PACS1: variants seen among roughly 807,000 people sequenced by gnomAD.
The protein encoded by PACS1 is PACS-1.
In PACS1, 24 loss-of-function variants were observed where a neutral mutation model predicts 115.0. That is an observed-to-expected ratio of 0.21 (90% CI 0.15 to 0.29). PACS1 has a LOEUF of 0.29. Ranked by LOEUF, PACS1 falls within the 10% of genes least tolerant of loss-of-function variation. The probability of loss-of-function intolerance (pLI) is 1.00; values close to 1 mark genes in which losing one functional copy is unlikely to be tolerated. For synonymous variants in PACS1, 453 were observed against 504.5 expected, an observed-to-expected ratio of 0.90 and a Z score of 1.37; for missense variants, 838 against 1,251.2, an observed-to-expected ratio of 0.67 and a Z score of 4.98.
intron 1 of PACS1, among the ~76,000 whole-genome samples, chr11:66,103,865 G>A (rs1185383992): frequency 6.6e-6 from 1 of 151,984 alleles, no homozygotes; most frequent in East Asian, 1.9e-4. Context: ...ATGAATCCCT[G>A]TGTACTCACC....
intron 1 of PACS1, among the ~76,000 whole-genome samples, chr11:66,149,923 A>G (rs1859200200): frequency 6.6e-6 from 1 of 151,820 alleles, no homozygotes; most frequent in Non-Finnish European, 1.5e-5. Flanking sequence ...CTAATTTTGT[A>G]TTTTTAGTAG....
rs73491723 is a variant in PACS1 at position 66,196,195 on chromosome 11, G to A, written c.444+2622G>A. ...GAGCTGTTTGTGCCAGTGCACTCCAGCCTGGGTGACAGAGCAAGACTCCGA... is the reference window on the plus strand; with the variant it reads ...GAGCTGTTTGTGCCAGTGCACTCCAACCTGGGTGACAGAGCAAGACTCCGA... On this transcript the variant is annotated intron_variant, in intron 2 of 23. Coordinates refer to ENST00000320580, the MANE Select transcript of PACS1 (RefSeq NM_018026.4). 8.7e-3 allele frequency among the ~76,000 whole-genome samples: 1,318 copies of A among 152,310 alleles called. 18 individuals carry two copies. The highest frequency in any genetic ancestry group is 0.03 in the African/African-American group (1,240 of 41,554).
At chr11:66,202,851 G>T (rs373805883) in intron 2 of PACS1, among the ~76,000 whole-genome samples, 4 of 132,050 alleles carry the variant, frequency 3.0e-5, no homozygotes, top group African/African-American at 1.2e-4. Context: ...GGGTATAAAA[G>T]AAACATACCT....
intron 1 of PACS1, among the ~76,000 whole-genome samples, chr11:66,105,209 A>AG (rs1858007290): frequency 6.6e-6 from 1 of 152,150 alleles, no homozygotes; most frequent in Non-Finnish European, 1.5e-5. Flanking sequence ...AGATCACCTG[A>AG]GGTAGGGAGT....
intron 1 of PACS1, chr11:66,100,920 G>C (rs536614994): frequency 8.8e-6 from 4 of 456,156 alleles, no homozygotes; most frequent in Admixed American, 2.4e-5. Context: ...AAGCAAGAGC[G>C]AGCTGGCGGA....
At chr11:66,112,247 G>A (rs185919661) in intron 1 of PACS1, among the ~76,000 whole-genome samples, 35 of 152,272 alleles carry the variant, frequency 2.3e-4, no homozygotes, top group African/African-American at 7.5e-4. Flanking sequence ...CTTGGCCTCT[G>A]CCTGCTCTCC....
At chr11:66,184,561 A>G (rs1221656198) in intron 1 of PACS1, among the ~76,000 whole-genome samples, 3 of 152,214 alleles carry the variant, frequency 2.0e-5, no homozygotes, top group Non-Finnish European at 4.4e-5. Context: ...GTACCCAGTT[A>G]TCAAGTAGAC....
At chr11:66,111,886 TC>T (rs1858194904) in intron 1 of PACS1, among the ~76,000 whole-genome samples, 1 of 152,196 alleles carries the variant, frequency 6.6e-6, no homozygotes, top group Non-Finnish European at 1.5e-5. Context: ...CCTCAAGTGA[TC>T]CGCCTGCCTT....
intron 1 of PACS1, among the ~76,000 whole-genome samples, chr11:66,104,208 G>C (rs553142977): frequency 1.3e-5 from 2 of 152,202 alleles, no homozygotes; most frequent in African/African-American, 2.4e-5. Context: ...ATCAGGGACC[G>C]TGTGTAAGTG....
At chr11:66,164,830 C>T (rs1859567772) in intron 1 of PACS1, among the ~76,000 whole-genome samples, 1 of 151,842 alleles carries the variant, frequency 6.6e-6, no homozygotes, top group Non-Finnish European at 1.5e-5. Flanking sequence ...CTTCACATCT[C>T]TTCCCTATAT....
chr11:66,229,813 G>C (rs1285778191), intron 11 of PACS1, among the ~76,000 whole-genome samples: 4 of 152,188 alleles, frequency 2.6e-5, no homozygotes, highest in African/African-American at 9.7e-5. Flanking sequence ...AGGCATGATG[G>C]CACATGCTTG....
At chr11:66,239,364 G>T in intron 21 of PACS1, 87 bp downstream of exon 21, 25 of 1,484,048 alleles carry the variant, frequency 1.7e-5, no homozygotes, top group African/African-American at 1.4e-5. Context: ...GGCTTAGAAG[G>T]TAGCCACAGG....
rs372564508 is a variant in PACS1, at chr11:66,233,968, C to T, written c.1993+29C>T. The stretch of plus-strand genomic sequence containing the variant: ...AAGACGGGAGGCACCAGGAGGGCGT[C>T]GGGCATGAGGGTTCCATAGACAGAT... On this transcript the variant is annotated intron_variant, in intron 16 of 23. Coordinates refer to ENST00000320580, the MANE Select transcript of PACS1 (RefSeq NM_018026.4). The surrounding 1 kb of genome is among the most constrained non-coding windows in gnomAD (Gnocchi z 4.5). 116 of 1,566,276 alleles carry T rather than the reference C, an allele frequency of 7.4e-5. No homozygotes were observed. In the Middle Eastern group the frequency reaches 1.2e-3, roughly 16 times the overall value.
intron 10 of PACS1, among the ~76,000 whole-genome samples, chr11:66,223,025 G>T (rs979139838): frequency 1.1e-4 from 15 of 134,388 alleles, no homozygotes; most frequent in Admixed American, 2.4e-4. Flanking sequence ...GGTTCATGGG[G>T]ATCCAAGAAC....
intron 1 of PACS1, among the ~76,000 whole-genome samples, chr11:66,137,354 A>G (rs1487369272): frequency 6.6e-6 from 1 of 151,956 alleles, no homozygotes. Flanking sequence ...ATTTTTTTCC[A>G]GCTAGCTGTC....
chr11:66,073,237 T>C (rs1857341835), intron 1 of PACS1, among the ~76,000 whole-genome samples: 1 of 152,266 alleles, frequency 6.6e-6, no homozygotes. Flanking sequence ...CATTGGTCTT[T>C]CCAATTATTA....
At chr11:66,137,611 C>A (rs1167022747) in intron 1 of PACS1, among the ~76,000 whole-genome samples, 17 of 152,328 alleles carry the variant, frequency 1.1e-4, no homozygotes, top group Admixed American at 1.0e-3. Flanking sequence ...CCTCAGCAGC[C>A]TCCTCTTTTG....
intron 2 of PACS1, among the ~76,000 whole-genome samples, chr11:66,202,730 A>G (rs1222471218): frequency 1.7e-3 from 74 of 42,768 alleles, no homozygotes; most frequent in South Asian, 8.2e-3. Flanking sequence ...CTCTAGGAAA[A>G]AAAAAAAAAA....
In PACS1 at chr11:66,124,282, A is replaced by G. The variant is rs77047838; in HGVS notation, c.356+53440A>G. ...CTGAAGGATGTGTGGGAATTAGCTA[A>G]GTGAAGAGAAGGAAGAGTTCCAGGC... is the stretch of plus-strand genomic sequence containing the variant. On this transcript the variant is annotated intron_variant, in intron 1 of 23. Coordinates refer to ENST00000320580, the MANE Select transcript of PACS1 (RefSeq NM_018026.4). Among the ~76,000 whole-genome samples the G allele has an allele frequency of 8.3e-3, 1,270 of 152,340 alleles. 87 individuals are homozygous for G. In the East Asian group the frequency reaches 0.17, roughly 21 times the overall value.
Sources: gnomAD v4.1 joint callset for allele counts (sites outside exome capture counted in the v4.1 genomes callset) on GRCh38, gnomAD v4.1.1 for gene constraint, Gnocchi (gnomAD v3.1) non-coding constraint, MANE v1.5 for transcripts, NCBI Gene and HGNC (gene_info 2026-07-23, HGNC 2026-07-21) for gene names.